Variants in EPHA10 observed in about 807,000 individuals in gnomAD.
The protein encoded by EPHA10 is ephrin type-A receptor 10.
A neutral mutation model predicts 109.7 loss-of-function variants in EPHA10; 120 were observed. The ratio of observed to expected loss-of-function variants is 1.09; its 90% CI spans 0.94 to 1.27. The LOEUF (loss-of-function observed/expected upper bound fraction) is 1.27. EPHA10 is among the 50% of genes most tolerant of loss of function. The pLI is 0.00. For synonymous variants in EPHA10, 640 were observed against 618.9 expected (o/e 1.03, Z -0.51); for missense variants, 1,396 against 1,411.1 (o/e 0.99, Z 0.17).
chr1:37,761,783 C>G lies in EPHA10; in HGVS notation c.472G>C (p.Asp158His). Reference protein sequence around the residue: ...RPRKIDTIAADESFTQGDLGE... With the variant: ...RPRKIDTIAAHESFTQGDLGE... Reference sequence around the variant, plus strand: ...AGGTCGCCCTGCGTGAAGCTCTCGTCCGCCGCGATCGTGTCGATTTTGCGG... The same window carrying G: ...AGGTCGCCCTGCGTGAAGCTCTCGTGCGCCGCGATCGTGTCGATTTTGCGG... Residue 158 changes from aspartate to histidine, a missense_variant, in exon 3 of 17, where the codon GAC (aspartate) becomes CAC (histidine). Asp to His is a moderately conservative substitution (Grantham distance 81). Transcript: ENST00000373048. 1 of 1,613,792 alleles carries G rather than the reference C, an allele frequency of 6.2e-7. No homozygotes were observed. Among genetic ancestry groups the G allele is most frequent in the South Asian group, 1.1e-5 (1 of 91,058 alleles).
Position 37,754,223 on chromosome 1 carries a change from G to A in EPHA10, c.998C>T (p.Ser333Phe). The A allele has an allele frequency of 7.7e-7, 1 of 1,298,866 alleles. No homozygotes were observed. Among genetic ancestry groups the A allele is most frequent in the Non-Finnish European group, 9.8e-7 (1 of 1,016,928 alleles). The allele number at this position is 1,298,866 out of a possible 1,614,324, so 80.5% of individuals were successfully genotyped here. ...CTGGAGGGGGGACTCACGGGTGCAG[G>A]AAGCCGAGGGCGGGTCGGTGGGTGA... ...ARSPTDPPSA[S>F]CTRPPSAPRD... is the part of the protein sequence containing the mutation. The change falls in exon 4 of 17, where the codon TCC becomes TTC. Residue 333 changes from serine (S) to phenylalanine (F), a missense_variant. Transcript: ENST00000373048. The surrounding 1 kb of genome is among the most constrained non-coding windows in gnomAD (Gnocchi z 4.5).
At chr1:37,758,935 G>A (rs1401562928) in intron 3 of EPHA10, among the ~76,000 whole-genome samples, 2 of 152,160 alleles carry the variant, frequency 1.3e-5, no homozygotes, top group African/African-American at 4.8e-5. Context: ...AGTCAAAGGG[G>A]ACTCCTTTCT....
At chr1:37,725,048 G>C (rs541373782) in intron 8 of EPHA10, among the ~76,000 whole-genome samples, 1 of 152,288 alleles carries the variant, frequency 6.6e-6, no homozygotes, top group East Asian at 1.9e-4. Flanking sequence ...CTCCTCTAGA[G>C]AAAAGGGGGT....
Position 37,719,445 on chromosome 1 carries a change from G to A in EPHA10, c.2725C>T (p.Pro909Ser), listed in dbSNP as rs776825559. The A allele has an allele frequency of 3.7e-6, 6 of 1,613,556 alleles. No individual in the cohort carries two copies. In the East Asian group the frequency reaches 6.7e-5, roughly 18 times the overall value. ...ILSKMVQDPEPPKCALTTCPR... is the reference protein window; with the variant it reads ...ILSKMVQDPESPKCALTTCPR... ...CAGGTAGTCAGGGCACACTTGGGGGGCTCTGGGTCCTGCACCATCTTGCTC... is the reference window on the plus strand; with the variant it reads ...CAGGTAGTCAGGGCACACTTGGGGGACTCTGGGTCCTGCACCATCTTGCTC... Residue 909 changes from proline to serine, a missense_variant, in exon 15 of 17, where the codon CCC becomes TCC. By Grantham distance (74) the Pro-to-Ser change is moderately conservative. Transcript: ENST00000373048.
At chr1:37,744,049 A>C (rs987046943) in intron 5 of EPHA10, among the ~76,000 whole-genome samples, 5 of 152,222 alleles carry the variant, frequency 3.3e-5, no homozygotes, top group African/African-American at 1.2e-4. Context: ...ACAAAATAAA[A>C]GCAAGTCATC....
chr1:37,716,419 G>C lies in EPHA10; in HGVS notation c.*1953C>G, dbSNP rs1002736629. ...ATGCTGGTCCAGGCTTCCCAGGAGGGGTGGGGAAGGCGGATCCTGGAGGGC... is the reference window on the plus strand; with the variant it reads ...ATGCTGGTCCAGGCTTCCCAGGAGGCGTGGGGAAGGCGGATCCTGGAGGGC... On this transcript the variant is annotated 3_prime_UTR_variant, in exon 17 of 17. Transcript: ENST00000373048. 1 of 234,514 alleles carries C rather than the reference G, an allele frequency of 4.3e-6. No individual in the cohort carries two copies. The highest frequency in any genetic ancestry group is 2.2e-5 in the African/African-American group (1 of 45,312). The allele number at this position is 234,514 out of a possible 1,614,324, so 14.5% of individuals were successfully genotyped here.
chr1:37,727,008 G>C (rs186286383), intron 8 of EPHA10, 94 bp downstream of exon 8: 1 of 950,598 alleles, frequency 1.1e-6, no homozygotes. Flanking sequence ...AAATCTGCGT[G>C]TGTGCAAAGT....
At chr1:37,732,313 GT>G (rs1044529900) in intron 6 of EPHA10, among the ~76,000 whole-genome samples, 3 of 152,046 alleles carry the variant, frequency 2.0e-5, no homozygotes. Context: ...CAGAGCCCGT[GT>G]TTTTTGCTCG....
chr1:37,725,243 A>G (rs1440855030), intron 8 of EPHA10, among the ~76,000 whole-genome samples: 3 of 152,032 alleles, frequency 2.0e-5, no homozygotes, highest in African/African-American at 7.3e-5. Flanking sequence ...GGTGGCTCAT[A>G]CCTGTAATCC....
rs1646334904 is a variant in EPHA10 at position 37,751,960 on chromosome 1, T to C, written c.1357+916A>G. Among the ~76,000 whole-genome samples, 3 of 152,120 alleles carry C rather than the reference T, an allele frequency of 2.0e-5. No homozygotes were observed. The South Asian group carries it at 6.2e-4, about 32-fold the overall frequency. On this transcript the variant is annotated intron_variant, in intron 5 of 16. Transcript: ENST00000373048. ...TGTGCATACGTGTACATGTCATATG[T>C]CCAAGTTAAGTAGAAAAGAATGAAA...
chr1:37,729,412 A>C (rs1645944777), intron 7 of EPHA10, among the ~76,000 whole-genome samples: 1 of 152,230 alleles, frequency 6.6e-6, no homozygotes, highest in Admixed American at 6.5e-5. Context: ...GTGGTGACGC[A>C]TAAGCGTTCA....
rs139263631 is a variant in EPHA10, at chr1:37,726,142, G to C, written c.1772+960C>G. On this transcript the variant is annotated intron_variant, in intron 8 of 16. Coordinates refer to ENST00000373048, the MANE Select transcript of EPHA10 (RefSeq NM_001099439.2). Reference sequence around the variant, plus strand: ...CTCCCTTTCCTCCTTCTGCCTCTCAGAGCCTCTCAGTGCAAAGCCAGGATG... The same window carrying C: ...CTCCCTTTCCTCCTTCTGCCTCTCACAGCCTCTCAGTGCAAAGCCAGGATG... Among the ~76,000 whole-genome samples, 763 of 152,322 alleles carry C rather than the reference G, an allele frequency of 5.0e-3. 28 individuals carry two copies. Among genetic ancestry groups the C allele is most frequent in the Admixed American group, 0.044 (668 of 15,306 alleles).
chr1:37,720,694 C>T, intron 12 of EPHA10, 89 bp downstream of exon 12: 4 of 1,562,550 alleles, frequency 2.6e-6, no homozygotes, highest in Non-Finnish European at 3.5e-6. Flanking sequence ...GGGATGATGC[C>T]AATTCCAAGC....
At chr1:37,731,694 CTGAGTGCGAAAACCCAACCTCAATCATCT>C (rs1645986303) in intron 6 of EPHA10, 112 bp from the exon 7 acceptor site, 1 of 1,246,942 alleles carries the variant, frequency 8.0e-7, no homozygotes, top group Non-Finnish European at 1.1e-6. Flanking sequence ...TGAATGTGGG[CTGAGTGCGAAAACCCAACCTCAATCATCT>C]TGGGGTTTCC....
chr1:37,734,835 T>A (rs1445840275), intron 6 of EPHA10: 5 of 339,228 alleles, frequency 1.5e-5, no homozygotes, highest in Non-Finnish European at 2.9e-5. Context: ...GGCTGTTAAA[T>A]ATCTACCAGC....
downstream of EPHA10, chr1:37,714,691 A>G (rs1645666818): frequency 6.6e-6 from 1 of 152,266 alleles, no homozygotes; most frequent in African/African-American, 2.4e-5. Flanking sequence ...GACCGGTTCA[A>G]TATGACTGGC....
In EPHA10 at chr1:37,761,710, G is replaced by T. The variant is rs763477588; in HGVS notation, c.545C>A (p.Pro182Gln). The T allele has an allele frequency of 2.5e-6, 4 of 1,613,464 alleles. No individual in the cohort carries two copies. Among genetic ancestry groups the T allele is most frequent in the South Asian group, 1.1e-5 (1 of 91,070 alleles). Residue 182 changes from proline (P) to glutamine (Q), a missense_variant, in exon 3 of 17, where the codon CCG becomes CAG. Coordinates refer to ENST00000373048, the MANE Select transcript of EPHA10 (RefSeq NM_001099439.2). ...CAGGTGGAAACCCCGCCGGCTGAGC[G>T]GTCCGATCTCGCGCACCTCTGTGTT... ...KLNTEVREIG[P>Q]LSRRGFHLAF...
downstream of EPHA10, chr1:37,714,042 T>C (rs1645658410): frequency 6.6e-6 from 1 of 152,182 alleles, no homozygotes; most frequent in Non-Finnish European, 1.5e-5. Context: ...CAAAGAAACT[T>C]GGTAAGCAAC....
intron 8 of EPHA10, among the ~76,000 whole-genome samples, chr1:37,724,940 G>A (rs1342016047): frequency 6.6e-6 from 1 of 152,224 alleles, no homozygotes; most frequent in East Asian, 1.9e-4. Flanking sequence ...GTTATGGGGG[G>A]CAGAGGGGAA....
Sources: gnomAD v4.1 joint callset for allele counts (sites outside exome capture counted in the v4.1 genomes callset) on GRCh38, gnomAD v4.1.1 for gene constraint, Gnocchi (gnomAD v3.1) non-coding constraint, MANE v1.5 for transcripts, NCBI Gene and HGNC (gene_info 2026-07-23, HGNC 2026-07-21) for gene names.